Variants in PTPRD observed in about 807,000 individuals in gnomAD.
PTPRD encodes the protein receptor-type tyrosine-protein phosphatase delta.
PTPRD carries 34 observed loss-of-function variants against 214.5 expected under a neutral mutation model. The observed-to-expected ratio is 0.16, with a 90% CI of 0.12 to 0.21. The LOEUF is 0.21. Ranked by LOEUF, PTPRD falls within the 10% of genes least tolerant of loss-of-function variation. The pLI, the probability that PTPRD is intolerant of heterozygous loss-of-function variation, is 1.00. For missense variants in PTPRD, 2,545 were observed against 2,398.7 expected (o/e 1.06, Z -1.27); for synonymous variants, 1,128 against 845.7 (o/e 1.33, Z -5.79).
At chr9:10,599,422 T>C (rs1038749122) in intron 2 of PTPRD, among the ~76,000 whole-genome samples, 1 of 151,830 alleles carries the variant, frequency 6.6e-6, no homozygotes, top group African/African-American at 2.4e-5. Flanking sequence ...ATTTAAATTA[T>C]AATATGCACT....
chr9:8,559,761 G>A (rs990257286), intron 14 of PTPRD, among the ~76,000 whole-genome samples: 6 of 152,190 alleles, frequency 3.9e-5, no homozygotes, highest in Non-Finnish European at 5.9e-5. Flanking sequence ...GCCCATCACA[G>A]TTTAGCTCTC....
intron 12 of PTPRD, among the ~76,000 whole-genome samples, chr9:8,647,398 T>C (rs562568572): frequency 2.0e-5 from 3 of 152,348 alleles, no homozygotes; most frequent in Admixed American, 6.5e-5. Context: ...ACATATTTTT[T>C]AACAAGAAAG....
At chr9:9,602,726 T>C (rs1488658658) in intron 7 of PTPRD, among the ~76,000 whole-genome samples, 1 of 152,088 alleles carries the variant, frequency 6.6e-6, no homozygotes, top group Non-Finnish European at 1.5e-5. Context: ...TCTATCTTAT[T>C]CCCGTCTGGA....
intron 39 of PTPRD, among the ~76,000 whole-genome samples, chr9:8,345,228 C>T (rs1015780767): frequency 1.3e-5 from 2 of 152,030 alleles, no homozygotes; most frequent in African/African-American, 4.8e-5. Flanking sequence ...AAGAAGCATT[C>T]AGTAAATGTT....
intron 11 of PTPRD, among the ~76,000 whole-genome samples, chr9:8,771,042 G>A (rs542979693): frequency 3.6e-4 from 54 of 152,038 alleles, no homozygotes; most frequent in East Asian, 3.9e-4. Flanking sequence ...TTAGCCGGGC[G>A]TGGTGGCGGG....
intron 12 of PTPRD, among the ~76,000 whole-genome samples, chr9:8,673,455 A>T (rs933784510): frequency 3.3e-5 from 5 of 152,186 alleles, no homozygotes; most frequent in African/African-American, 1.2e-4. Context: ...TAACAGTAGT[A>T]ATAGCATATA....
At chr9:10,051,133 C>G (rs2097528579) in intron 3 of PTPRD, among the ~76,000 whole-genome samples, 1 of 151,998 alleles carries the variant, frequency 6.6e-6, no homozygotes, top group South Asian at 2.1e-4. Context: ...ATATTACTTT[C>G]TACAAGCATA....
chr9:10,103,193 C>A (rs1266800506), intron 3 of PTPRD, among the ~76,000 whole-genome samples: 1 of 151,296 alleles, frequency 6.6e-6, no homozygotes, highest in Non-Finnish European at 1.5e-5. Context: ...ACTTACACAG[C>A]ACTAATATCT....
At chr9:9,089,911 T>C (rs1278963636) in intron 10 of PTPRD, among the ~76,000 whole-genome samples, 2 of 152,226 alleles carry the variant, frequency 1.3e-5, no homozygotes, top group Admixed American at 6.5e-5. Context: ...CAAGTTTATT[T>C]TGAAATCTTT....
chr9:9,338,604 C>G (rs2045534191), intron 9 of PTPRD, among the ~76,000 whole-genome samples: 1 of 152,066 alleles, frequency 6.6e-6, no homozygotes, highest in South Asian at 2.1e-4. Context: ...ATAAAATTAA[C>G]TTTCCAAGCT....
At chr9:10,142,183 C>T (rs373853529) in intron 3 of PTPRD, among the ~76,000 whole-genome samples, 2 of 151,866 alleles carry the variant, frequency 1.3e-5, no homozygotes, top group Non-Finnish European at 2.9e-5. Flanking sequence ...AGAAGAAAAC[C>T]TAGGCATTAC....
intron 12 of PTPRD, among the ~76,000 whole-genome samples, chr9:8,720,156 T>C (rs1412441803): frequency 6.6e-6 from 1 of 152,240 alleles, no homozygotes; most frequent in Non-Finnish European, 1.5e-5. Flanking sequence ...AAGAAGAGGC[T>C]GGACTCTGGC....
At chr9:9,838,724 C>A (rs1399754699) in intron 5 of PTPRD, among the ~76,000 whole-genome samples, 1 of 152,062 alleles carries the variant, frequency 6.6e-6, no homozygotes, top group Non-Finnish European at 1.5e-5. Flanking sequence ...GTTGCCTGTT[C>A]ACTCTGATGG....
chr9:9,493,089 A>G (rs2095993409), intron 8 of PTPRD, among the ~76,000 whole-genome samples: 1 of 151,392 alleles, frequency 6.6e-6, no homozygotes, highest in South Asian at 2.1e-4. Context: ...AATAACCCTA[A>G]AAGGCCTCTA....
chr9:8,897,881 C>T (rs2098633136), intron 11 of PTPRD, among the ~76,000 whole-genome samples: 1 of 152,164 alleles, frequency 6.6e-6, no homozygotes, highest in Non-Finnish European at 1.5e-5. Context: ...GGATTAGTAA[C>T]ACCCCATCTG....
In PTPRD at chr9:10,105,217, A is replaced by G. The variant is rs192648861; in HGVS notation, c.-544-71427T>C. ...AAGTACTCTCCACATTAGAAATTCA[A>G]TTAGTCTTGAGGGATTAAAATTAGT... On this transcript the variant is annotated intron_variant, in intron 3 of 45. Transcript: ENST00000381196. Among the ~76,000 whole-genome samples the G allele has an allele frequency of 8.5e-4, 129 of 151,916 alleles. 1 individual carries two copies. The highest frequency in any genetic ancestry group is 2.7e-3 in the African/African-American group (112 of 41,512).
intron 4 of PTPRD, among the ~76,000 whole-genome samples, chr9:9,948,357 T>C (rs1369931802): frequency 3.9e-5 from 6 of 152,076 alleles, no homozygotes; most frequent in Admixed American, 2.0e-4. Flanking sequence ...GTGTATTCCT[T>C]ATTGCTGCCA....
chr9:9,727,891 G>C (rs1260634413), intron 7 of PTPRD, among the ~76,000 whole-genome samples: 6 of 152,166 alleles, frequency 3.9e-5, no homozygotes, highest in Non-Finnish European at 7.4e-5. Context: ...AAACTTTATA[G>C]AGGTAGATTT....
At chr9:9,835,621 C>T (rs2056530075) in intron 5 of PTPRD, among the ~76,000 whole-genome samples, 2 of 152,110 alleles carry the variant, frequency 1.3e-5, no homozygotes, top group Admixed American at 1.3e-4. Context: ...TTGGCCTGCA[C>T]TGGAATTTGA....
Sources: gnomAD v4.1 joint callset for allele counts (sites outside exome capture counted in the v4.1 genomes callset) on GRCh38, gnomAD v4.1.1 for gene constraint, MANE v1.5 for transcripts, NCBI Gene and HGNC (gene_info 2026-07-23, HGNC 2026-07-21) for gene names.